Variants in DGKG observed in about 807,000 individuals in gnomAD.
DGKG encodes the protein diacylglycerol kinase gamma.
In DGKG, 78 loss-of-function variants were observed where a neutral mutation model predicts 105.3. The observed-to-expected ratio is 0.74, with a 90% CI of 0.62 to 0.89. DGKG has a LOEUF of 0.89. Ranked by LOEUF, DGKG falls within the 40% of genes least tolerant of loss-of-function variation. DGKG has a pLI of 0.00. For synonymous variants in DGKG, 346 were observed against 367.1 expected (o/e 0.94, Z 0.66); for missense variants, 958 against 1,020.1 (o/e 0.94, Z 0.83).
At chr3:186,324,727 T>C (rs1304333391) in intron 1 of DGKG, among the ~76,000 whole-genome samples, 2 of 152,234 alleles carry the variant, frequency 1.3e-5, no homozygotes, top group Non-Finnish European at 2.9e-5. Context: ...GGAATGCCTA[T>C]ACACTGCTGG....
chr3:186,158,610 C>T (rs2108473749), intron 24 of DGKG: 1 of 920,050 alleles, frequency 1.1e-6, no homozygotes, highest in Non-Finnish European at 1.3e-6. Flanking sequence ...ATATGAATGC[C>T]TGAACAAATA....
At chr3:186,320,325 G>GCAGATCA in intron 2 of DGKG, 68 bp downstream of exon 2, 2 of 1,596,930 alleles carry the variant, frequency 1.3e-6, no homozygotes, top group South Asian at 2.2e-5. Context: ...ATACTGCTAT[G>GCAGATCA]CTTTCCAGAA....
Position 186,147,964 on chromosome 3 carries a change from A to G in DGKG, c.*2126T>C, listed in dbSNP as rs760147107. 67 of 985,354 alleles carry G rather than the reference A, an allele frequency of 6.8e-5. No homozygotes were observed. The highest frequency in any genetic ancestry group is 7.8e-5 in the Non-Finnish European group (65 of 829,950). The allele number at this position is 985,354 out of a possible 1,614,324, so 61.0% of individuals were successfully genotyped here. A position where few individuals can be genotyped will look rare whatever the true frequency, so the allele number is the denominator to read the frequency against. On this transcript the variant is annotated 3_prime_UTR_variant, in exon 25 of 25. Transcript: ENST00000265022. Reference sequence around the variant, plus strand: ...AGCATTCTGCACTGTTAGGTTGAGCAGAATGGTCCAAGATCTTGCTCCTAG... The same window carrying G: ...AGCATTCTGCACTGTTAGGTTGAGCGGAATGGTCCAAGATCTTGCTCCTAG...
intron 1 of DGKG, among the ~76,000 whole-genome samples, chr3:186,341,200 C>G (rs1418837157): frequency 6.6e-6 from 1 of 152,182 alleles, no homozygotes; most frequent in Admixed American, 6.5e-5. Flanking sequence ...TCTGGGATAA[C>G]AAAGAAGCAG....
chr3:186,327,434 T>G (rs1157488235), intron 1 of DGKG, among the ~76,000 whole-genome samples: 1 of 150,714 alleles, frequency 6.6e-6, no homozygotes, highest in African/African-American at 2.4e-5. Flanking sequence ...TCACCCATGC[T>G]GGAGAGCAGT....
intron 11 of DGKG, 132 bp from the exon 12 acceptor site, chr3:186,269,049 A>G (rs1722194429): frequency 6.2e-6 from 4 of 647,984 alleles, no homozygotes; most frequent in Non-Finnish European, 8.2e-6. Context: ...GAGGATGCTT[A>G]TTGGATGTTG....
intron 12 of DGKG, 48 bp from the exon 13 acceptor site, chr3:186,267,825 C>A: frequency 6.4e-7 from 1 of 1,565,782 alleles, no homozygotes; most frequent in Admixed American, 1.7e-5. Flanking sequence ...AGCAAAGAAA[C>A]ATCAAACATG....
intron 24 of DGKG, chr3:186,160,082 T>C (rs1450556972): frequency 3.6e-6 from 2 of 558,066 alleles, no homozygotes; most frequent in Non-Finnish European, 4.5e-6. Flanking sequence ...TGTGGTATTC[T>C]ATTATGGCAC....
At position 186,275,755 on chromosome 3, in the gene DGKG, C is replaced by G. The variant is rs963499182; in HGVS notation, c.793-91G>C. 2.3e-5 allele frequency: 19 copies of G among 815,400 alleles called. No individual in the cohort carries two copies. In the Admixed American group the frequency reaches 5.3e-4, roughly 23 times the overall value. 50.5% of individuals were successfully genotyped at this position (815,400 alleles called of 1,614,324 possible). On this transcript the variant is annotated intron_variant, in intron 9 of 24. Coordinates refer to ENST00000265022, the MANE Select transcript of DGKG (RefSeq NM_001346.3). ...CCTCTTGCATGTTCTTCCTTTTCATCTCATTTAGAAGATGAGTTATTGATA... is the reference window on the plus strand; with the variant it reads ...CCTCTTGCATGTTCTTCCTTTTCATGTCATTTAGAAGATGAGTTATTGATA...
At chr3:186,177,399 G>A (rs1460280270) in intron 22 of DGKG, among the ~76,000 whole-genome samples, 1 of 152,090 alleles carries the variant, frequency 6.6e-6, no homozygotes, top group Non-Finnish European at 1.5e-5. Context: ...ATTTCATCTT[G>A]TTCATTCATT....
At chr3:186,345,961 G>A (rs1362465012) in intron 1 of DGKG, among the ~76,000 whole-genome samples, 2 of 152,070 alleles carry the variant, frequency 1.3e-5, no homozygotes, top group African/African-American at 4.8e-5. Flanking sequence ...TAGCGATGGG[G>A]TTTCACCATC....
intron 2 of DGKG, 142 bp downstream of exon 2, chr3:186,320,251 C>T (rs553358345): frequency 1.1e-6 from 1 of 950,264 alleles, no homozygotes; most frequent in African/African-American, 1.7e-5. Flanking sequence ...TACACTAATT[C>T]TGTGTTTATA....
At chr3:186,335,942 A>G (rs1725813295) in intron 1 of DGKG, among the ~76,000 whole-genome samples, 2 of 152,202 alleles carry the variant, frequency 1.3e-5, no homozygotes, top group African/African-American at 4.8e-5. Flanking sequence ...TAAACTATAC[A>G]TATTTGTAGT....
At chr3:186,279,825 C>T in intron 9 of DGKG, 26 bp downstream of exon 9, 2 of 1,609,716 alleles carry the variant, frequency 1.2e-6, no homozygotes, top group Middle Eastern at 1.7e-4. Context: ...GGCAAGAGAT[C>T]TCTGAACTCC....
intron 3 of DGKG, among the ~76,000 whole-genome samples, chr3:186,304,903 G>GT (rs1350122267): frequency 6.6e-6 from 1 of 152,218 alleles, no homozygotes; most frequent in African/African-American, 2.4e-5. Context: ...CCAGTAGGAA[G>GT]TAAGTCCTGG....
intron 6 of DGKG, among the ~76,000 whole-genome samples, chr3:186,286,001 A>G (rs1723051365): frequency 6.6e-6 from 1 of 151,242 alleles, no homozygotes; most frequent in Admixed American, 6.6e-5. Context: ...ATTGTTTAAA[A>G]CCCTTCATCA....
intron 21 of DGKG, among the ~76,000 whole-genome samples, chr3:186,190,620 T>C (rs576548067): frequency 1.3e-5 from 2 of 152,344 alleles, no homozygotes; most frequent in African/African-American, 4.8e-5. Context: ...GATCATCTCA[T>C]GATCTATTTT....
intron 1 of DGKG, among the ~76,000 whole-genome samples, chr3:186,340,544 T>G (rs1333430957): frequency 6.6e-6 from 1 of 152,186 alleles, no homozygotes; most frequent in African/African-American, 2.4e-5. Context: ...TTGATCAGAG[T>G]GTGAAATCAC....
At chr3:186,194,823 G>A (rs1020680981) in intron 21 of DGKG, among the ~76,000 whole-genome samples, 77 of 49,244 alleles carry the variant, frequency 1.6e-3, no homozygotes, top group African/African-American at 3.0e-3. Context: ...AAAAAAAAAA[G>A]CCGGGCAAGG....
Sources: allele counts gnomAD v4.1 joint callset (sites outside exome capture counted in the v4.1 genomes callset), GRCh38; gene constraint gnomAD v4.1.1; transcripts MANE v1.5; gene names NCBI Gene and HGNC (gene_info 2026-07-23, HGNC 2026-07-21).